MYOM1: variants seen among roughly 807,000 people sequenced by gnomAD.
The protein encoded by MYOM1 is myomesin-1.
MYOM1 carries 164 observed loss-of-function variants against 205.3 expected under a neutral mutation model. The observed-to-expected ratio is 0.80, with a 90% CI of 0.70 to 0.91. The LOEUF (loss-of-function observed/expected upper bound fraction) is 0.91. MYOM1 is among the 40% of genes least tolerant of loss of function. MYOM1 has a pLI of 0.00. For missense variants in MYOM1, 2,011 were observed against 2,127.3 expected, an observed-to-expected ratio of 0.95 and a Z score of 1.08; for synonymous variants, 772 against 789.4, an observed-to-expected ratio of 0.98 and a Z score of 0.37.
At chr18:3,080,418 A>T (rs1052270298) in intron 33 of MYOM1, among the ~76,000 whole-genome samples, 3 of 152,204 alleles carry the variant, frequency 2.0e-5, no homozygotes, top group Non-Finnish European at 4.4e-5. Flanking sequence ...TCACACCTGT[A>T]ATCCCAGCAC....
intron 22 of MYOM1, among the ~76,000 whole-genome samples, chr18:3,109,039 G>A (rs928905035): frequency 6.6e-5 from 10 of 151,562 alleles, no homozygotes; most frequent in Non-Finnish European, 1.3e-4. Context: ...GGAGTGCAGT[G>A]ATGTGATCTT....
intron 14 of MYOM1, among the ~76,000 whole-genome samples, chr18:3,141,020 C>T (rs1217477158): frequency 6.6e-6 from 1 of 152,086 alleles, no homozygotes; most frequent in South Asian, 2.1e-4. Flanking sequence ...CTAATCAGAA[C>T]CTTTTTAACA....
chr18:3,129,386 G>A lies in MYOM1; in HGVS notation c.2640C>T (p.Asn880=). The change falls in exon 18 of 38, where the codon AAC becomes AAT. Residue 880 remains asparagine, a synonymous_variant. Coordinates refer to ENST00000356443, the MANE Select transcript of MYOM1 (RefSeq NM_003803.4). ...QKDALLGSKP[N]KPSLPSSSQN... ...GAGAGCTACTGGGTAGTGAAGGTTT[G>A]TTAGGTTTGCTGCCAAGCAAAGCAT... The A allele has an allele frequency of 1.9e-6, 3 of 1,613,994 alleles. No homozygotes were observed. Among genetic ancestry groups the A allele is most frequent in the Non-Finnish European group, 2.5e-6 (3 of 1,179,874 alleles).
chr18:3,186,841 AAAG>A (rs1402192994), intron 5 of MYOM1, among the ~76,000 whole-genome samples: 11 of 151,298 alleles, frequency 7.3e-5, no homozygotes, highest in South Asian at 4.2e-4. Context: ...AAAGAAGAGA[AAAG>A]AAAGAAAGGG....
chr18:3,210,636 T>C (rs8090956), intron 2 of MYOM1, among the ~76,000 whole-genome samples: 73,354 of 152,016 alleles, frequency 0.48, 18,292 homozygotes, highest in African/African-American at 0.61. Flanking sequence ...CTGTAAATCT[T>C]GGTTATTTTG....
intron 11 of MYOM1, among the ~76,000 whole-genome samples, chr18:3,154,124 A>T (rs2080258377): frequency 6.6e-6 from 1 of 152,078 alleles, no homozygotes; most frequent in Non-Finnish European, 1.5e-5. Context: ...CAAAGTAAAT[A>T]TTCTTAAATT....
chr18:3,158,856 C>T (rs1253300000), intron 10 of MYOM1, among the ~76,000 whole-genome samples: 1 of 152,166 alleles, frequency 6.6e-6, no homozygotes, highest in Admixed American at 6.5e-5. Flanking sequence ...TCAAGTGATC[C>T]TCCCACCTGG....
At chr18:3,207,927 A>G (rs1337533428) in intron 2 of MYOM1, among the ~76,000 whole-genome samples, 1 of 152,214 alleles carries the variant, frequency 6.6e-6, no homozygotes, top group Non-Finnish European at 1.5e-5. Context: ...AGAGCCTGGT[A>G]AAAGAGTCAA....
chr18:3,230,738 C>G, the MYOM1 span, among the ~76,000 whole-genome samples: 1 of 152,216 alleles, frequency 6.6e-6, no homozygotes, highest in South Asian at 2.1e-4. Flanking sequence ...CCGGAAAATT[C>G]CGTAACTGGG....
chr18:3,207,802 T>C (rs1181521072), intron 2 of MYOM1, among the ~76,000 whole-genome samples: 3 of 152,190 alleles, frequency 2.0e-5, no homozygotes, highest in Non-Finnish European at 4.4e-5. Context: ...CTCATTCTAC[T>C]CTGCTCTACT....
chr18:3,069,205 T>C (rs1260143072), intron 37 of MYOM1, among the ~76,000 whole-genome samples: 1 of 152,244 alleles, frequency 6.6e-6, no homozygotes. Flanking sequence ...TTTGTTGTTG[T>C]ACACCAGCCC....
chr18:3,103,870 C>T (rs1425368465), intron 22 of MYOM1, among the ~76,000 whole-genome samples: 1 of 152,198 alleles, frequency 6.6e-6, no homozygotes, highest in African/African-American at 2.4e-5. Context: ...GTACAGATGG[C>T]AGTGTATGCT....
At chr18:3,177,877 A>C (rs958129124) in intron 5 of MYOM1, among the ~76,000 whole-genome samples, 8 of 152,216 alleles carry the variant, frequency 5.3e-5, no homozygotes, top group African/African-American at 1.9e-4. Context: ...AAATCATGAA[A>C]GGAAACTTCT....
At chr18:3,109,427 T>C (rs2079495256) in intron 22 of MYOM1, among the ~76,000 whole-genome samples, 1 of 152,224 alleles carries the variant, frequency 6.6e-6, no homozygotes, top group African/African-American at 2.4e-5. Flanking sequence ...TGATAATTAA[T>C]GGGCAGGAAG....
rs1384845514 is a variant in MYOM1, at chr18:3,164,338, T to C, written c.1441A>G (p.Thr481Ala). ...TATTCTCCCATCCGTACACGGATTG[T>C]ATAGAGGCCTTCATCTTCTTTGTTG... ...HLNKEDEGLY[T>A]IRVRMGEYYE... The change falls in exon 10 of 38, where the codon ACA becomes GCA. Residue 481 changes from threonine (T) to alanine (A), a missense_variant. Physicochemically the swap from Thr to Ala is moderately conservative, Grantham distance 58. Coordinates refer to ENST00000356443, the MANE Select transcript of MYOM1 (RefSeq NM_003803.4). 3 of 1,612,728 alleles carry C rather than the reference T, an allele frequency of 1.9e-6. No individual in the cohort carries two copies. The highest frequency in any genetic ancestry group is 2.5e-6 in the Non-Finnish European group (3 of 1,179,280).
intron 30 of MYOM1, 67 bp from the exon 31 acceptor site, chr18:3,085,199 T>G (rs1322218092): frequency 1.1e-6 from 1 of 888,456 alleles, no homozygotes; most frequent in African/African-American, 1.8e-5. Context: ...TGTGATTTTT[T>G]TTTTTCTTCT....
At chr18:3,217,686 A>G (rs1238021654) in intron 1 of MYOM1, among the ~76,000 whole-genome samples, 2 of 152,172 alleles carry the variant, frequency 1.3e-5, no homozygotes, top group South Asian at 2.1e-4. Flanking sequence ...GGACCATTAT[A>G]CACAGAAAAG....
chr18:3,161,535 C>T (rs2080391391), intron 10 of MYOM1, among the ~76,000 whole-genome samples: 1 of 152,206 alleles, frequency 6.6e-6, no homozygotes, highest in Non-Finnish European at 1.5e-5. Flanking sequence ...GCCTCTGCCC[C>T]TCCACTCCCT....
At chr18:3,202,533 A>T (rs1257136346) in intron 2 of MYOM1, among the ~76,000 whole-genome samples, 1 of 152,188 alleles carries the variant, frequency 6.6e-6, no homozygotes, top group Non-Finnish European at 1.5e-5. Context: ...ATAAAACATA[A>T]TATACTTTAC....
Sources: gnomAD v4.1 joint callset for allele counts (sites outside exome capture counted in the v4.1 genomes callset) on GRCh38, gnomAD v4.1.1 for gene constraint, MANE v1.5 for transcripts, NCBI Gene and HGNC (gene_info 2026-07-23, HGNC 2026-07-21) for gene names.